ZNHIT6: variants seen among roughly 807,000 people sequenced by gnomAD.
ZNHIT6 encodes the protein box C/D snoRNA protein 1.
ZNHIT6 carries 45 observed loss-of-function variants against 57.2 expected under a neutral mutation model. That is an observed-to-expected ratio of 0.79 (90% CI 0.62 to 1.01). ZNHIT6 has a LOEUF of 1.01. Among genes scored for constraint, ZNHIT6 ranks in the 50% least tolerant of loss-of-function variants. The probability of loss-of-function intolerance (pLI) is 0.00; values close to 1 mark genes in which losing one functional copy is unlikely to be tolerated. For synonymous variants in ZNHIT6, 188 were observed against 190.0 expected (o/e 0.99, Z 0.09); for missense variants, 528 against 567.3 (o/e 0.93, Z 0.70).
rs1481687078 is a variant in ZNHIT6, at chr1:85,651,002, T to G, written c.*3056A>C. On this transcript the variant is annotated 3_prime_UTR_variant, in exon 10 of 10. Transcript: ENST00000370574. ...ATATTCAAACCATAACAGTATATGA[T>G]TAAATAAAAATAGACCAGCATCTTT... is the stretch of plus-strand genomic sequence containing the variant. 6.6e-6 allele frequency: 1 copy of G among 152,108 alleles called. No individual in the cohort carries two copies. Among genetic ancestry groups the G allele is most frequent in the East Asian group, 1.9e-4 (1 of 5,196 alleles). The allele number at this position is 152,108 out of a possible 1,614,324, so 9.4% of individuals were successfully genotyped here. A position where few individuals can be genotyped will look rare whatever the true frequency, so the allele number is the denominator to read the frequency against.
Position 85,701,937 on chromosome 1 carries a change from T to G in ZNHIT6, c.1019+220A>C, listed in dbSNP as rs986046688. ...TGTTTGAGAAGCTTCTCAAATGATA[T>G]GAAGACACACACACACACACACACA... On this transcript the variant is annotated intron_variant, in intron 5 of 9. Transcript: ENST00000370574. Among the ~76,000 whole-genome samples, 8 of 65,800 alleles carry G rather than the reference T, an allele frequency of 1.2e-4. No homozygotes were observed. In the Admixed American group the frequency reaches 1.6e-3, roughly 13 times the overall value. 43.2% of individuals were successfully genotyped at this position (65,800 alleles called of 152,430 possible).
In ZNHIT6 at chr1:85,683,783, G is replaced by C. The variant is rs567434067; in HGVS notation, c.1020-2879C>G. Among the ~76,000 whole-genome samples the C allele has an allele frequency of 1.1e-4, 16 of 152,174 alleles. No individual in the cohort carries two copies. The South Asian group carries it at 3.1e-3, about 30-fold the overall frequency. On this transcript the variant is annotated intron_variant, in intron 5 of 9. Transcript: ENST00000370574. ...AGATTCCAAGAAGTACAATCACTAAGACAGAGCAGGGTTTCTCAATCTCAG... is the reference window on the plus strand; with the variant it reads ...AGATTCCAAGAAGTACAATCACTAACACAGAGCAGGGTTTCTCAATCTCAG...
Position 85,679,563 on chromosome 1 carries a change from G to T in ZNHIT6, c.1089-782C>A, listed in dbSNP as rs373727664. Reference sequence around the variant, plus strand: ...TGAAATAGTTCACAAACATTAAAATGTTTTTTTTTTTTTTTTTTAATTTTT... The same window carrying T: ...TGAAATAGTTCACAAACATTAAAATTTTTTTTTTTTTTTTTTTTAATTTTT... On this transcript the variant is annotated intron_variant, in intron 6 of 9. Coordinates refer to ENST00000370574, the MANE Select transcript of ZNHIT6 (RefSeq NM_017953.4). 4.7e-4 allele frequency among the ~76,000 whole-genome samples: 64 copies of T among 135,278 alleles called. 1 individual carries two copies. Among genetic ancestry groups the T allele is most frequent in the South Asian group, 7.2e-4 (3 of 4,172 alleles). The allele number at this position is 135,278 out of a possible 152,430, so 88.7% of individuals were successfully genotyped here. A position where few individuals can be genotyped will look rare whatever the true frequency, so the allele number is the denominator to read the frequency against.
At chr1:85,687,306 A>AAAAAAAAAAAAAAAAAAAAAAAAG (rs1662087816) in intron 5 of ZNHIT6, among the ~76,000 whole-genome samples, 1 of 144,408 alleles carries the variant, frequency 6.9e-6, no homozygotes, top group South Asian at 2.2e-4. Flanking sequence ...AAACAAAAAA[A>AAAAAAAAAAAAAAAAAAAAAAAAG]AAAAACAATT....
At chr1:85,677,498 T>G (rs1661736910) in intron 7 of ZNHIT6, among the ~76,000 whole-genome samples, 185 bp from the exon 8 acceptor site, 1 of 152,196 alleles carries the variant, frequency 6.6e-6, no homozygotes, top group South Asian at 2.1e-4. Context: ...CTTTGTTCAA[T>G]TAAACATCTT....
chr1:85,663,461 T>C (rs1328098969), intron 8 of ZNHIT6, among the ~76,000 whole-genome samples: 4 of 152,230 alleles, frequency 2.6e-5, no homozygotes, highest in Admixed American at 2.6e-4. Context: ...TTTATTAGAA[T>C]TAATGCATGT....
intron 5 of ZNHIT6, among the ~76,000 whole-genome samples, chr1:85,684,324 T>A (rs75172846): frequency 0.031 from 4,645 of 152,250 alleles, 76 homozygotes; most frequent in East Asian, 0.081. Context: ...TAACTATTCA[T>A]GCATAGCAAA....
chr1:85,694,486 G>C (rs965828382), intron 5 of ZNHIT6, among the ~76,000 whole-genome samples: 4 of 151,350 alleles, frequency 2.6e-5, no homozygotes, highest in Non-Finnish European at 5.9e-5. Flanking sequence ...TTTTGAGACG[G>C]AGTCTCGCTC....
chr1:85,666,605 G>A (rs1270931746), intron 8 of ZNHIT6, among the ~76,000 whole-genome samples: 4 of 151,838 alleles, frequency 2.6e-5, no homozygotes, highest in Non-Finnish European at 4.4e-5. Flanking sequence ...ATATCTGTCC[G>A]GTAAACACTC....
At chr1:85,700,995 C>T (rs1201972377) in intron 5 of ZNHIT6, among the ~76,000 whole-genome samples, 2 of 152,064 alleles carry the variant, frequency 1.3e-5, no homozygotes, top group South Asian at 4.1e-4. Context: ...TTAGTAGAGA[C>T]GAGGTTTCAC....
chr1:85,681,671 T>C (rs191558661), intron 5 of ZNHIT6, among the ~76,000 whole-genome samples: 113 of 152,310 alleles, frequency 7.4e-4, no homozygotes, highest in African/African-American at 2.3e-3. Flanking sequence ...CCCATAGCAG[T>C]AGGACCCCAA....
Position 85,678,720 on chromosome 1 carries a change from C to A in ZNHIT6, c.1150G>T (p.Asp384Tyr). 6.3e-7 allele frequency: 1 copy of A among 1,590,126 alleles called. No homozygotes were observed. The highest frequency in any genetic ancestry group is 1.1e-5 in the South Asian group (1 of 86,968). Reference protein sequence around the residue: ...LKPYIDPEKSDPVIRQRLKAY... With the variant: ...LKPYIDPEKSYPVIRQRLKAY... ...GCATACCTTTGACGAATTACAGGAT[C>A]AGACTTTTCAGGATCAATGTAAGGT... Residue 384 changes from aspartate (D) to tyrosine (Y), a missense_variant, in exon 7 of 10, where the codon GAT becomes TAT. Coordinates refer to ENST00000370574, the MANE Select transcript of ZNHIT6 (RefSeq NM_017953.4).
intron 8 of ZNHIT6, among the ~76,000 whole-genome samples, chr1:85,667,502 A>C (rs1293363093): frequency 6.6e-6 from 1 of 152,116 alleles, no homozygotes; most frequent in East Asian, 1.9e-4. Flanking sequence ...TACAAGTTTA[A>C]GTAGATGCAA....
intron 5 of ZNHIT6, among the ~76,000 whole-genome samples, chr1:85,682,015 T>C (rs1206824995): frequency 6.2e-5 from 3 of 48,630 alleles, no homozygotes; most frequent in Non-Finnish European, 1.2e-4. Flanking sequence ...ATTTTGTTCA[T>C]CTTTTTTTTT....
chr1:85,682,815 T>A (rs1661915673), intron 5 of ZNHIT6, among the ~76,000 whole-genome samples: 1 of 152,230 alleles, frequency 6.6e-6, no homozygotes, highest in Non-Finnish European at 1.5e-5. Context: ...ATTTTTGAGG[T>A]ACTTTTATTT....
At chr1:85,692,653 C>G (rs1291068900) in intron 5 of ZNHIT6, among the ~76,000 whole-genome samples, 1 of 151,484 alleles carries the variant, frequency 6.6e-6, no homozygotes, top group East Asian at 1.9e-4. Flanking sequence ...TTCCTTTACT[C>G]TTTTCTAAAG....
At chr1:85,691,255 C>T (rs573164848) in intron 5 of ZNHIT6, among the ~76,000 whole-genome samples, 8 of 152,236 alleles carry the variant, frequency 5.3e-5, no homozygotes, top group African/African-American at 1.9e-4. Context: ...AAAAAATAAA[C>T]ATTCAAGAAA....
At chr1:85,677,832 C>T (rs1661749098) in intron 7 of ZNHIT6, among the ~76,000 whole-genome samples, 1 of 152,186 alleles carries the variant, frequency 6.6e-6, no homozygotes, top group Non-Finnish European at 1.5e-5. Flanking sequence ...AGCACTCATT[C>T]ACATCCCAAG....
chr1:85,685,669 T>C (rs1260216176), intron 5 of ZNHIT6, among the ~76,000 whole-genome samples: 2 of 151,640 alleles, frequency 1.3e-5, no homozygotes, highest in African/African-American at 2.4e-5. Flanking sequence ...CCTGACTTTC[T>C]GGGCTCAAGT....
Sources: allele counts gnomAD v4.1 joint callset (sites outside exome capture counted in the v4.1 genomes callset), GRCh38; gene constraint gnomAD v4.1.1; transcripts MANE v1.5; gene names NCBI Gene and HGNC (gene_info 2026-07-23, HGNC 2026-07-21).